Variants in MAP3K5 observed in about 807,000 individuals in gnomAD.
MAP3K5 encodes the protein ASK-1.
A neutral mutation model predicts 158.7 loss-of-function variants in MAP3K5; 56 were observed. The ratio of observed to expected loss-of-function variants is 0.35; its 90% CI spans 0.28 to 0.44. The LOEUF is 0.44. MAP3K5 is among the 20% of genes least tolerant of loss of function. MAP3K5 has a pLI of 1.00. For missense variants in MAP3K5, 1,294 were observed against 1,674.8 expected, an observed-to-expected ratio of 0.77 and a Z score of 3.97; for synonymous variants, 579 against 601.7, an observed-to-expected ratio of 0.96 and a Z score of 0.55.
At chr6:136,573,038 T>C (rs970990716) in intron 25 of MAP3K5, among the ~76,000 whole-genome samples, 1 of 152,228 alleles carries the variant, frequency 6.6e-6, no homozygotes, top group Non-Finnish European at 1.5e-5. Context: ...TATGTCAACT[T>C]GACTGGGCTA....
chr6:136,613,006 G>T lies in MAP3K5; in HGVS notation c.2415+114C>A. ...TATTTTATATTTCTGCTGTTTCTAA[G>T]ATTTACTTATTCACCATTCTAAATT... On this transcript the variant is annotated intron_variant, in intron 17 of 29. Transcript: ENST00000359015. The surrounding 1 kb of genome is among the most constrained non-coding windows in gnomAD (Gnocchi z 4.0). 1.0e-6 allele frequency: 1 copy of T among 996,844 alleles called. No individual in the cohort carries two copies. Among genetic ancestry groups the T allele is most frequent in the Non-Finnish European group, 1.4e-6 (1 of 695,742 alleles). 61.7% of individuals were successfully genotyped at this position (996,844 alleles called of 1,614,324 possible).
At chr6:136,689,230 T>C (rs1780284352) in intron 7 of MAP3K5, among the ~76,000 whole-genome samples, 1 of 152,164 alleles carries the variant, frequency 6.6e-6, no homozygotes, top group Non-Finnish European at 1.5e-5. Flanking sequence ...AGGCCAGGAG[T>C]TCCAGACTTC....
Position 136,567,797 on chromosome 6 carries a change from C to T in MAP3K5, c.3595G>A (p.Glu1199Lys). The T allele has an allele frequency of 6.2e-7, 1 of 1,614,118 alleles. No individual in the cohort carries two copies. Among genetic ancestry groups the T allele is most frequent in the Non-Finnish European group, 8.5e-7 (1 of 1,179,992 alleles). ...QEDLDVEDDH[E>K]EQPSNQTVRR... is the part of the protein sequence containing the mutation. Reference sequence around the variant, plus strand: ...ACAGTTTGATTTGAAGGCTGTTCCTCATGGTCATCTTCTACATCCAAGTCT... The same window carrying T: ...ACAGTTTGATTTGAAGGCTGTTCCTTATGGTCATCTTCTACATCCAAGTCT... Residue 1199 changes from glutamate to lysine, a missense_variant, in exon 26 of 30, where the codon GAG becomes AAG. Physicochemically the swap from Glu to Lys is moderately conservative, Grantham distance 56 (BLOSUM62 1). Transcript: ENST00000359015.
intron 14 of MAP3K5, among the ~76,000 whole-genome samples, chr6:136,634,698 G>C (rs534930778): frequency 6.6e-6 from 1 of 151,662 alleles, no homozygotes; most frequent in African/African-American, 2.4e-5. Flanking sequence ...TCTTGCCTCA[G>C]CCTCCTGAGT....
At chr6:136,569,284 T>C (rs1774260631) in intron 25 of MAP3K5, among the ~76,000 whole-genome samples, 1 of 152,296 alleles carries the variant, frequency 6.6e-6, no homozygotes, top group South Asian at 2.1e-4. Context: ...CTGTAGAGAA[T>C]CCCCTTCCCT....
chr6:136,562,366 T>TA, intron 27 of MAP3K5, 137 bp downstream of exon 27: 2 of 443,350 alleles, frequency 4.5e-6, no homozygotes, highest in Admixed American at 4.1e-5. Flanking sequence ...TTTTTTTTTT[T>TA]AAAGGAATTC....
intron 23 of MAP3K5, among the ~76,000 whole-genome samples, chr6:136,590,601 C>A (rs541359650): frequency 6.6e-6 from 1 of 150,516 alleles, no homozygotes. Context: ...AGTGCAGTGG[C>A]GCGATCTCAG....
At chr6:136,558,681 C>T (rs891515465) in intron 29 of MAP3K5, 119 bp downstream of exon 29, 2 of 644,638 alleles carry the variant, frequency 3.1e-6, no homozygotes, top group African/African-American at 1.8e-5. Flanking sequence ...CAGCTAAGAG[C>T]TAGAGAGCTC....
chr6:136,626,535 G>A (rs939092163), intron 14 of MAP3K5, among the ~76,000 whole-genome samples: 31 of 152,124 alleles, frequency 2.0e-4, no homozygotes, highest in African/African-American at 6.3e-4. Flanking sequence ...GGGCTCCTGC[G>A]AGGAGACAGG....
rs933816200 is a variant in MAP3K5, at chr6:136,557,616, T to G, written c.*142A>C. 13 of 560,604 alleles carry G rather than the reference T, an allele frequency of 2.3e-5. No individual in the cohort carries two copies. The highest frequency in any genetic ancestry group is 3.8e-5 in the African/African-American group (2 of 52,294). 34.7% of individuals were successfully genotyped at this position (560,604 alleles called of 1,614,324 possible). A position where few individuals can be genotyped will look rare whatever the true frequency, so the allele number is the denominator to read the frequency against. ...GAAATTTCAGTGTGTTTTGTCTGTTTTTTTTTTTTTTAACATGAGTAAACA... is the reference window on the plus strand; with the variant it reads ...GAAATTTCAGTGTGTTTTGTCTGTTGTTTTTTTTTTTAACATGAGTAAACA... On this transcript the variant is annotated 3_prime_UTR_variant, in exon 30 of 30. Coordinates refer to ENST00000359015, the MANE Select transcript of MAP3K5 (RefSeq NM_005923.4).
intron 1 of MAP3K5, among the ~76,000 whole-genome samples, chr6:136,766,212 A>G (rs183904060): frequency 1.3e-5 from 2 of 152,348 alleles, no homozygotes. Context: ...TAAGCCTACA[A>G]ATCTGCACCA....
intron 1 of MAP3K5, among the ~76,000 whole-genome samples, chr6:136,738,989 C>T (rs1782598469): frequency 1.3e-5 from 2 of 151,734 alleles, no homozygotes; most frequent in African/African-American, 4.8e-5. Flanking sequence ...AGGTTCCTGC[C>T]CTCAGAAAGC....
intron 1 of MAP3K5, among the ~76,000 whole-genome samples, chr6:136,745,749 A>T (rs952287194): frequency 6.6e-6 from 1 of 152,172 alleles, no homozygotes; most frequent in Non-Finnish European, 1.5e-5. Context: ...CGTGGACATG[A>T]AAAAGAGCTC....
intron 17 of MAP3K5, among the ~76,000 whole-genome samples, chr6:136,611,592 G>A (rs1039389613): frequency 2.0e-5 from 3 of 152,236 alleles, no homozygotes; most frequent in African/African-American, 7.2e-5. Context: ...GAAACCAACC[G>A]CCTTTGCGAA....
chr6:136,753,349 G>C (rs961082819), intron 1 of MAP3K5, among the ~76,000 whole-genome samples: 16 of 152,058 alleles, frequency 1.1e-4, no homozygotes, highest in African/African-American at 3.6e-4. Flanking sequence ...CCTAGCATTA[G>C]GCAGCAACAT....
Position 136,792,024 on chromosome 6 carries a change from T to C in MAP3K5, c.134A>G (p.Gln45Arg). ...GCTGCCCGGCGGCGGCGGTGGCAGC[T>C]GGTGCTCCTCGCCCTCGCCCACCGC... ...AAAVGEGEEH[Q>R]LPPPPPGSFW... Residue 45 changes from glutamine (Q) to arginine (R), a missense_variant, in exon 1 of 30, where the codon CAG (glutamine) becomes CGG (arginine). Gln to Arg is a conservative substitution (Grantham distance 43). Around this residue, in one of 5 missense-constraint regions of MAP3K5, gnomAD observed 690 missense variants for 870.5 expected, o/e 0.79. Transcript: ENST00000359015. This position sits in a 1 kb window ranked among gnomAD's most constrained non-coding sequence, Gnocchi z 5.7. The C allele has an allele frequency of 8.3e-6, 13 of 1,571,316 alleles. No homozygotes were observed. Among genetic ancestry groups the C allele is most frequent in the East Asian group, 2.3e-5 (1 of 43,010 alleles).
intron 14 of MAP3K5, among the ~76,000 whole-genome samples, chr6:136,626,118 C>A (rs922603615): frequency 4.6e-5 from 7 of 152,202 alleles, no homozygotes; most frequent in Admixed American, 1.3e-4. Context: ...TGGGTACACA[C>A]GCATGACTCG....
chr6:136,714,011 AAAATTCTTTGTT>A (rs1562637965), intron 2 of MAP3K5, among the ~76,000 whole-genome samples: 1 of 152,250 alleles, frequency 6.6e-6, no homozygotes, highest in Non-Finnish European at 1.5e-5. Context: ...GAATCCAGCA[AAAATTCTTTGTT>A]AAACTAAAAG....
At chr6:136,650,547 T>C (rs936223494) in intron 11 of MAP3K5, among the ~76,000 whole-genome samples, 4 of 152,196 alleles carry the variant, frequency 2.6e-5, no homozygotes, top group African/African-American at 9.7e-5. Context: ...GGCAACTACT[T>C]AGATAACAAA....
Sources: gnomAD v4.1 joint callset for allele counts (sites outside exome capture counted in the v4.1 genomes callset) on GRCh38, gnomAD v4.1.1 for gene constraint, gnomAD v4.1.1 regional missense constraint, Gnocchi (gnomAD v3.1) non-coding constraint, MANE v1.5 for transcripts, NCBI Gene and HGNC (gene_info 2026-07-23, HGNC 2026-07-21) for gene names.